The following HSD17B2 variants were observed in gnomAD, a reference collection of about 807,000 sequenced individuals.
The protein encoded by HSD17B2 is 17-beta-hydroxysteroid dehydrogenase type 2.
Under a neutral mutation model 26.9 loss-of-function variants are expected in HSD17B2, and 32 were observed. The ratio of observed to expected loss-of-function variants is 1.19; its 90% confidence interval spans 0.90 to 1.60. The LOEUF (loss-of-function observed/expected upper bound fraction) is 1.60. Among genes scored for constraint, HSD17B2 ranks in the 40% most tolerant of loss-of-function variants. The probability of loss-of-function intolerance (pLI) is 0.00; values close to 1 mark genes in which losing one functional copy is unlikely to be tolerated. For synonymous variants in HSD17B2, 246 were observed against 186.7 expected (o/e 1.32, Z -2.59); for missense variants, 613 against 468.6 (o/e 1.31, Z -2.85).
At chr16:82,071,532 C>A (rs8191171) in intron 3 of HSD17B2, 1 of 308,318 alleles carries the variant, frequency 3.2e-6, no homozygotes, top group Non-Finnish European at 6.3e-6. Flanking sequence ...GCAATACCTT[C>A]CCTCTGTTTG....
intron 3 of HSD17B2, among the ~76,000 whole-genome samples, chr16:82,082,025 T>C (rs1254998043): frequency 6.6e-6 from 1 of 152,172 alleles, no homozygotes. Context: ...TGTCCTCACT[T>C]GTAAGTGGGA....
chr16:82,049,504 C>T (rs1273161511), intron 1 of HSD17B2, among the ~76,000 whole-genome samples: 1 of 152,174 alleles, frequency 6.6e-6, no homozygotes, highest in African/African-American at 2.4e-5. Flanking sequence ...GAAGAATAGG[C>T]CAGGTCTGAA....
At chr16:82,039,101 T>C (rs778186508) in intron 1 of HSD17B2, among the ~76,000 whole-genome samples, 5 of 152,122 alleles carry the variant, frequency 3.3e-5, no homozygotes, top group Non-Finnish European at 7.4e-5. Context: ...GCACCATGGA[T>C]TGATGCACAC....
At chr16:82,070,485 C>T (rs1914672928) in intron 2 of HSD17B2, among the ~76,000 whole-genome samples, 1 of 152,232 alleles carries the variant, frequency 6.6e-6, no homozygotes, top group African/African-American at 2.4e-5. Flanking sequence ...CAGTGCCATC[C>T]ATCTCCTAAA....
At chr16:82,082,412 G>T (rs1375789869) in intron 3 of HSD17B2, among the ~76,000 whole-genome samples, 1 of 152,092 alleles carries the variant, frequency 6.6e-6, no homozygotes, top group South Asian at 2.1e-4. Flanking sequence ...TTTTGAATAT[G>T]CATATGAATA....
intron 1 of HSD17B2, among the ~76,000 whole-genome samples, chr16:82,043,819 A>T (rs892872690): frequency 5.9e-5 from 9 of 152,042 alleles, no homozygotes; most frequent in Admixed American, 6.6e-5. Flanking sequence ...AATCCCAGTG[A>T]CAGGGAGTTG....
At chr16:82,071,225 G>A (rs1264078499) in intron 3 of HSD17B2, 98 bp downstream of exon 3, 3 of 1,170,716 alleles carry the variant, frequency 2.6e-6, no homozygotes, top group Admixed American at 3.4e-5. Flanking sequence ...GCATGCAAAG[G>A]CAGGGTTGGG....
At chr16:82,059,091 C>T (rs1333136587) in intron 1 of HSD17B2, among the ~76,000 whole-genome samples, 1 of 152,162 alleles carries the variant, frequency 6.6e-6, no homozygotes, top group African/African-American at 2.4e-5. Context: ...GTATTATTTT[C>T]CAATGAGTGT....
At chr16:82,072,784 G>A (rs556766314) in intron 3 of HSD17B2, among the ~76,000 whole-genome samples, 4 of 152,170 alleles carry the variant, frequency 2.6e-5, no homozygotes, top group Non-Finnish European at 4.4e-5. Flanking sequence ...GGCCAGGTGC[G>A]GTGGCTCAAG....
chr16:82,058,822 T>A (rs1446234688), intron 1 of HSD17B2, among the ~76,000 whole-genome samples: 2 of 152,210 alleles, frequency 1.3e-5, no homozygotes, highest in Non-Finnish European at 2.9e-5. Flanking sequence ...TTTTAGGCAC[T>A]GTGGACAGAT....
intron 1 of HSD17B2, among the ~76,000 whole-genome samples, chr16:82,039,326 CA>C (rs1167242863): frequency 7.3e-6 from 1 of 137,308 alleles, no homozygotes; most frequent in Non-Finnish European, 1.6e-5. Flanking sequence ...ATGGAGTTAG[CA>C]GATGAGAGAG....
chr16:82,069,031 C>T (rs971131037), intron 2 of HSD17B2, among the ~76,000 whole-genome samples: 1 of 152,148 alleles, frequency 6.6e-6, no homozygotes, highest in African/African-American at 2.4e-5. Flanking sequence ...AGTACTGAGC[C>T]CAGGATTCAT....
chr16:82,050,714 T>A (rs1458614302), intron 1 of HSD17B2, among the ~76,000 whole-genome samples: 1 of 152,234 alleles, frequency 6.6e-6, no homozygotes, highest in African/African-American at 2.4e-5. Context: ...TCACCGGGAA[T>A]GCTTTTTCCT....
At chr16:82,077,759 A>AAAAG (rs1004300928) in intron 3 of HSD17B2, among the ~76,000 whole-genome samples, 6 of 151,814 alleles carry the variant, frequency 4.0e-5, no homozygotes, top group Admixed American at 6.6e-5. Flanking sequence ...AGAAAGAAAG[A>AAAAG]AAAGAAAGAA....
chr16:82,035,493 A>AT lies in HSD17B2; in HGVS notation c.73dup (p.Cys25LeufsTer67). ...TCCCCACAGTACTATGTGGGACAGT[A>AT]TTTTGCAAATACAAGAAGAGCTCAG... On this transcript the variant is annotated frameshift_variant, in exon 1 of 5. Transcript: ENST00000199936. LOFTEE classifies it high-confidence loss of function. 6.2e-7 allele frequency: 1 copy of AT among 1,614,044 alleles called. No homozygotes were observed. Among genetic ancestry groups the AT allele is most frequent in the Non-Finnish European group, 8.5e-7 (1 of 1,180,030 alleles).
At chr16:82,097,596 T>C (rs1359917575) in intron 4 of HSD17B2, 2 of 152,270 alleles carry the variant, frequency 1.3e-5, no homozygotes, top group African/African-American at 2.4e-5. Context: ...CTTTTCTGTA[T>C]GTAGGTTTAG....
intron 4 of HSD17B2, chr16:82,097,230 CTATGTCTATGT>C (rs1567595421): frequency 1.4e-5 from 2 of 146,852 alleles, no homozygotes; most frequent in Non-Finnish European, 3.0e-5. Context: ...ATGTCTATGT[CTATGTCTATGT>C]CTATGTCTAT....
At chr16:82,070,849 C>G (rs149077437) in intron 2 of HSD17B2, 93 bp from the exon 3 acceptor site, 6 of 1,225,770 alleles carry the variant, frequency 4.9e-6, no homozygotes, top group Non-Finnish European at 4.6e-6. Context: ...CTGGCTCACA[C>G]GTAACACCTC....
chr16:82,098,455 G>T lies in HSD17B2; in HGVS notation c.*19G>T. On this transcript the variant is annotated 3_prime_UTR_variant, in exon 5 of 5. Transcript: ENST00000199936. ...CACCTAGGCAATGGAAGCCCTCAAA[G>T]AAGTCGGAATGTCATAGTCTTGAAA... is the stretch of plus-strand genomic sequence containing the variant. 1 of 1,568,992 alleles carries T rather than the reference G, an allele frequency of 6.4e-7. No individual in the cohort carries two copies. The highest frequency in any genetic ancestry group is 8.6e-7 in the Non-Finnish European group (1 of 1,160,762).
Sources: gnomAD v4.1 joint callset for allele counts (sites outside exome capture counted in the v4.1 genomes callset) on GRCh38, gnomAD v4.1.1 for gene constraint, MANE v1.5 for transcripts, NCBI Gene and HGNC (gene_info 2026-07-23, HGNC 2026-07-21) for gene names.